The following MBTD1 variants were observed in gnomAD, a reference collection of about 807,000 sequenced individuals.
MBTD1 encodes the protein mbt domain containing 1, also known as MBT domain-containing protein 1.
MBTD1 carries 24 observed loss-of-function variants against 87.8 expected under a neutral mutation model. That is an observed-to-expected ratio of 0.27 (90% CI 0.20 to 0.38). The LOEUF is 0.38. Ranked by LOEUF, MBTD1 falls within the 10% of genes least tolerant of loss-of-function variation. MBTD1 has a pLI of 1.00. For synonymous variants in MBTD1, 237 were observed against 248.6 expected (o/e 0.95, Z 0.44); for missense variants, 436 against 760.2 (o/e 0.57, Z 5.02).
upstream of MBTD1, chr17:51,260,651 C>A (rs1444511473): frequency 1.9e-6 from 3 of 1,612,472 alleles, no homozygotes; most frequent in East Asian, 2.2e-5. Flanking sequence ...GAAGCGGAAG[C>A]CCGGAATGAG....
chr17:51,256,316 C>T (rs2055085514), intron 2 of MBTD1: 1 of 152,170 alleles, frequency 6.6e-6, no homozygotes, highest in African/African-American at 2.4e-5. Context: ...CCTAAGATCG[C>T]AGTTCAGAGA....
At chr17:51,184,549 T>C (rs1007776560) in intron 16 of MBTD1, 8 of 152,202 alleles carry the variant, frequency 5.3e-5, no homozygotes, top group African/African-American at 1.9e-4. Flanking sequence ...GAATATACTA[T>C]AGACATCGGT....
chr17:51,205,146 T>A (rs2051745208), intron 7 of MBTD1, among the ~76,000 whole-genome samples: 1 of 152,202 alleles, frequency 6.6e-6, no homozygotes, highest in Admixed American at 6.5e-5. Context: ...GTATTTCAGG[T>A]TAGGAGACAA....
At chr17:51,181,699 C>G (rs1051802083) in intron 16 of MBTD1, among the ~76,000 whole-genome samples, 2 of 152,122 alleles carry the variant, frequency 1.3e-5, no homozygotes, top group Non-Finnish European at 2.9e-5. Context: ...ACTCCTGAGC[C>G]GAGTGTGGTG....
intron 15 of MBTD1, 32 bp downstream of exon 15, chr17:51,192,750 C>T (rs768306939): frequency 1.2e-6 from 2 of 1,609,022 alleles, no homozygotes; most frequent in South Asian, 2.2e-5. Context: ...CTGATTTTTA[C>T]AAAAGGACAC....
At chr17:51,238,972 C>A (rs1336994305) in intron 2 of MBTD1, among the ~76,000 whole-genome samples, 1 of 151,868 alleles carries the variant, frequency 6.6e-6, no homozygotes, top group African/African-American at 2.4e-5. Flanking sequence ...TGGTAATGTG[C>A]GTCTGTAGTC....
At chr17:51,235,623 C>T (rs2053788593) in intron 2 of MBTD1, among the ~76,000 whole-genome samples, 1 of 152,106 alleles carries the variant, frequency 6.6e-6, no homozygotes, top group Non-Finnish European at 1.5e-5. Flanking sequence ...GCAGAAAATG[C>T]ACTTGACAAA....
At chr17:51,220,010 CA>C (rs1303782956) in intron 4 of MBTD1, among the ~76,000 whole-genome samples, 1 of 152,014 alleles carries the variant, frequency 6.6e-6, no homozygotes, top group Non-Finnish European at 1.5e-5. Flanking sequence ...GATGTTAACA[CA>C]AAAGGAAACA....
chr17:51,215,170 C>T (rs1002766245), intron 6 of MBTD1, among the ~76,000 whole-genome samples: 5 of 152,162 alleles, frequency 3.3e-5, no homozygotes, highest in South Asian at 2.1e-4. Context: ...GAAACAGATG[C>T]CTCACTTCTG....
intron 3 of MBTD1, among the ~76,000 whole-genome samples, chr17:51,222,413 T>TG (rs1445329915): frequency 6.7e-6 from 1 of 150,346 alleles, no homozygotes; most frequent in East Asian, 1.9e-4. Context: ...TTGTTTTGTT[T>TG]GTTTTTTTTG....
At chr17:51,260,572 C>G, upstream of MBTD1, 23 of 1,610,034 alleles carry the variant, frequency 1.4e-5, no homozygotes, top group Non-Finnish European at 2.0e-5. Context: ...TGCGTTTCTC[C>G]TCAAACCTAA....
intron 16 of MBTD1, among the ~76,000 whole-genome samples, chr17:51,189,134 G>C (rs2050684763): frequency 6.7e-6 from 1 of 150,218 alleles, no homozygotes. Context: ...ATTTTTATTT[G>C]GGCCATTTAA....
chr17:51,246,780 C>T (rs147158883), intron 2 of MBTD1, among the ~76,000 whole-genome samples: 3 of 152,034 alleles, frequency 2.0e-5, no homozygotes, highest in African/African-American at 7.3e-5. Flanking sequence ...GGACTACAGG[C>T]ACGTATCACC....
intron 2 of MBTD1, among the ~76,000 whole-genome samples, chr17:51,257,193 TC>T (rs2055140324): frequency 6.6e-6 from 1 of 152,256 alleles, no homozygotes. Flanking sequence ...GTAAGTCCTT[TC>T]TCTTTTATTG....
intron 12 of MBTD1, among the ~76,000 whole-genome samples, chr17:51,195,852 C>G (rs1379668152): frequency 3.3e-5 from 5 of 152,176 alleles, no homozygotes; most frequent in Admixed American, 6.5e-5. Flanking sequence ...AAGGCTGGTC[C>G]ACATTAAGGG....
intron 16 of MBTD1, 36 bp from the exon 17 acceptor site, chr17:51,180,730 G>T (rs8065424): frequency 0.074 from 81,430 of 1,102,730 alleles, 4,544 homozygotes; most frequent in African/African-American, 0.26. Flanking sequence ...GGGCATTAAG[G>T]CTCTCTAGAG....
intron 6 of MBTD1, among the ~76,000 whole-genome samples, chr17:51,210,652 A>G (rs2052134082): frequency 6.6e-6 from 1 of 152,034 alleles, no homozygotes; most frequent in African/African-American, 2.4e-5. Context: ...GCTACTTGGG[A>G]GGCTGAGGCA....
intron 3 of MBTD1, among the ~76,000 whole-genome samples, chr17:51,223,120 T>A (rs950094122): frequency 6.6e-6 from 1 of 152,026 alleles, no homozygotes; most frequent in Non-Finnish European, 1.5e-5. Flanking sequence ...TTCATCTTTT[T>A]AACCAAAAGA....
chr17:51,260,644 G>C (rs1323551541), upstream of MBTD1: 2 of 1,612,568 alleles, frequency 1.2e-6, no homozygotes, highest in Middle Eastern at 1.7e-4. Flanking sequence ...CGAAGCCGAA[G>C]CGGAAGCCCG....
Sources: gnomAD v4.1 joint callset for allele counts (sites outside exome capture counted in the v4.1 genomes callset) on GRCh38, gnomAD v4.1.1 for gene constraint, MANE v1.5 for transcripts, NCBI Gene and HGNC (gene_info 2026-07-23, HGNC 2026-07-21) for gene names.